TGFBR3: variants seen among roughly 807,000 people sequenced by gnomAD.
TGFBR3 encodes transforming growth factor beta receptor type 3.
TGFBR3 carries 46 observed loss-of-function variants against 87.9 expected under a neutral mutation model. That is an observed-to-expected ratio of 0.52 (90% confidence interval 0.41 to 0.67). The LOEUF (loss-of-function observed/expected upper bound fraction) is 0.67, where lower values mean the gene tolerates loss of function less well. TGFBR3 is among the 30% of genes least tolerant of loss of function. TGFBR3 has a pLI of 0.00. For missense variants in TGFBR3, 866 were observed against 1,041.9 expected (o/e 0.83, Z 2.32); for synonymous variants, 381 against 391.6 (o/e 0.97, Z 0.32).
chr1:91,716,342 G>A lies in TGFBR3; in HGVS notation c.1760C>T (p.Pro587Leu). 1 of 1,614,138 alleles carries A rather than the reference G, an allele frequency of 6.2e-7. No individual in the cohort carries two copies. Among genetic ancestry groups the A allele is most frequent in the Non-Finnish European group, 8.5e-7 (1 of 1,180,020 alleles). ...CATGTTGAAGGTGATGTTTCCGTGG[G>A]GCTGTTCCTGGAAGCTGCTGGGGTT... ...VRNPSSFQEQPHGNITFNMEL... is the reference protein window; with the variant it reads ...VRNPSSFQEQLHGNITFNMEL... Residue 587 changes from proline to leucine, a missense_variant, in exon 12 of 17, where the codon CCC becomes CTC. Coordinates refer to ENST00000212355, the MANE Select transcript of TGFBR3 (RefSeq NM_003243.5).
intron 2 of TGFBR3, among the ~76,000 whole-genome samples, chr1:91,840,797 G>T (rs1274245630): frequency 6.7e-6 from 1 of 148,804 alleles, no homozygotes; most frequent in Non-Finnish European, 1.5e-5. Context: ...GAACTAACAG[G>T]TTCACTTTGT....
chr1:91,892,104 C>A (rs1276283485), intron 2 of TGFBR3, among the ~76,000 whole-genome samples: 1 of 152,180 alleles, frequency 6.6e-6, no homozygotes, highest in Non-Finnish European at 1.5e-5. Flanking sequence ...GCAAACTCAC[C>A]ATTTCCTGTG....
intron 5 of TGFBR3, among the ~76,000 whole-genome samples, chr1:91,731,681 A>G (rs1672779950): frequency 6.6e-6 from 1 of 152,234 alleles, no homozygotes; most frequent in African/African-American, 2.4e-5. Flanking sequence ...TCTGGAACTC[A>G]AGAGACTAGG....
chr1:91,723,053 C>G (rs1393385765), intron 7 of TGFBR3, among the ~76,000 whole-genome samples: 2 of 152,148 alleles, frequency 1.3e-5, no homozygotes, highest in Non-Finnish European at 2.9e-5. Flanking sequence ...ATTAGTAATT[C>G]TATAACTGTA....
intron 14 of TGFBR3, among the ~76,000 whole-genome samples, chr1:91,703,335 C>A (rs1442757552): frequency 1.3e-5 from 2 of 152,116 alleles, no homozygotes; most frequent in Non-Finnish European, 2.9e-5. Flanking sequence ...CCTCCCTTCC[C>A]AAAAAACCTC....
At position 91,682,882 on chromosome 1, in the gene TGFBR3, G is replaced by A. The variant is rs573907130; in HGVS notation, c.*857C>T. On this transcript the variant is annotated 3_prime_UTR_variant, in exon 17 of 17. Coordinates refer to ENST00000212355, the MANE Select transcript of TGFBR3 (RefSeq NM_003243.5). The stretch of plus-strand genomic sequence containing the variant: ...TAGAAATATATCACTGTGCAAATTC[G>A]TCCTTGACTTTATAACTGAATTTCA... The A allele has an allele frequency of 2.6e-4, 117 of 452,826 alleles. No individual in the cohort carries two copies. Among genetic ancestry groups the A allele is most frequent in the Admixed American group, 1.1e-3 (46 of 42,546 alleles). 28.1% of individuals were successfully genotyped at this position (452,826 alleles called of 1,614,324 possible).
At position 91,847,324 on chromosome 1, in the gene TGFBR3, C is replaced by T. The variant is rs577531834; in HGVS notation, c.61+14147G>A. Among the ~76,000 whole-genome samples, 4 of 152,056 alleles carry T rather than the reference C, an allele frequency of 2.6e-5. No individual in the cohort carries two copies. The South Asian group carries it at 8.3e-4, about 32-fold the overall frequency. ...GTGTGATTATAAGAATAAAGTAGGG[C>T]CGGGCGCGGTGGCTCATGCCTGTAA... On this transcript the variant is annotated intron_variant, in intron 2 of 16. Transcript: ENST00000212355.
intron 5 of TGFBR3, among the ~76,000 whole-genome samples, chr1:91,733,221 T>C (rs1019717762): frequency 6.6e-6 from 1 of 152,222 alleles, no homozygotes; most frequent in East Asian, 1.9e-4. Flanking sequence ...TTATGCTTAT[T>C]TGGCTAGGAC....
intron 2 of TGFBR3, among the ~76,000 whole-genome samples, chr1:91,861,121 G>T (rs1012556963): frequency 6.6e-5 from 10 of 151,916 alleles, no homozygotes; most frequent in African/African-American, 2.2e-4. Context: ...GTAAATACAG[G>T]TCAGGCACAG....
chr1:91,805,788 C>T (rs1312569995), intron 2 of TGFBR3, among the ~76,000 whole-genome samples: 1 of 152,230 alleles, frequency 6.6e-6, no homozygotes, highest in Non-Finnish European at 1.5e-5. Flanking sequence ...TTCTGATTCT[C>T]ACAATACCAC....
chr1:91,784,764 G>C (rs1183113497), intron 3 of TGFBR3, among the ~76,000 whole-genome samples: 1 of 152,154 alleles, frequency 6.6e-6, no homozygotes, highest in Non-Finnish European at 1.5e-5. Flanking sequence ...TATACATCAA[G>C]GGATCCGATG....
At chr1:91,800,053 A>C (rs1019973205) in intron 2 of TGFBR3, among the ~76,000 whole-genome samples, 4 of 151,760 alleles carry the variant, frequency 2.6e-5, no homozygotes, top group Non-Finnish European at 4.4e-5. Flanking sequence ...AAAGCAATGC[A>C]TGGGGCACAC....
chr1:91,734,674 A>G, intron 5 of TGFBR3, 102 bp downstream of exon 5: 1 of 1,445,480 alleles, frequency 6.9e-7, no homozygotes, highest in South Asian at 1.2e-5. Flanking sequence ...CAGGTCCAAC[A>G]TTCTGTAATT....
intron 2 of TGFBR3, among the ~76,000 whole-genome samples, chr1:91,813,389 T>C (rs927378535): frequency 3.3e-5 from 5 of 152,228 alleles, no homozygotes; most frequent in Non-Finnish European, 5.9e-5. Context: ...AAAACAAATG[T>C]ATAACTAGGT....
Position 91,680,730 on chromosome 1 carries a change from T to A in TGFBR3, c.*3009A>T, listed in dbSNP as rs1398080645. ...ACACAACCAGCAGTACAATCATCAT[T>A]CAAACCATGAGGTAGTTACAGTACA... On this transcript the variant is annotated 3_prime_UTR_variant, in exon 17 of 17. Transcript: ENST00000212355. 1 of 454,000 alleles carries A rather than the reference T, an allele frequency of 2.2e-6. No individual in the cohort carries two copies. The highest frequency in any genetic ancestry group is 1.6e-5 in the South Asian group (1 of 64,462). 28.1% of individuals were successfully genotyped at this position (454,000 alleles called of 1,614,324 possible).
intron 3 of TGFBR3, among the ~76,000 whole-genome samples, chr1:91,793,940 G>A (rs981441425): frequency 1.3e-5 from 2 of 151,688 alleles, no homozygotes; most frequent in African/African-American, 4.9e-5. Flanking sequence ...CAAAAACCAA[G>A]TTATCCATTG....
chr1:91,712,985 A>G (rs1194869146), intron 12 of TGFBR3, among the ~76,000 whole-genome samples: 2 of 152,250 alleles, frequency 1.3e-5, no homozygotes, highest in Non-Finnish European at 2.9e-5. Flanking sequence ...GTTCAGCGGC[A>G]AAATCTATTT....
intron 3 of TGFBR3, among the ~76,000 whole-genome samples, chr1:91,780,493 G>A (rs1014520240): frequency 3.4e-5 from 5 of 146,468 alleles, no homozygotes; most frequent in Admixed American, 6.8e-5. Context: ...TTATGAGACA[G>A]AGTACCATGA....
intron 2 of TGFBR3, among the ~76,000 whole-genome samples, chr1:91,828,154 C>T (rs1466534076): frequency 6.6e-6 from 1 of 152,282 alleles, no homozygotes. Context: ...CAAGATAACT[C>T]GTCATGATCG....
Sources: gnomAD v4.1 joint callset for allele counts (sites outside exome capture counted in the v4.1 genomes callset) on GRCh38, gnomAD v4.1.1 for gene constraint, MANE v1.5 for transcripts, NCBI Gene and HGNC (gene_info 2026-07-23, HGNC 2026-07-21) for gene names.